The following GULP1 variants were observed in gnomAD, a reference collection of about 807,000 sequenced individuals.
GULP1 encodes the protein PTB domain-containing engulfment adapter protein 1.
GULP1 carries 19 observed loss-of-function variants against 40.9 expected under a neutral mutation model. The observed-to-expected ratio is 0.46, with a 90% CI of 0.32 to 0.68. The LOEUF (loss-of-function observed/expected upper bound fraction) is 0.68. Among genes scored for constraint, GULP1 ranks in the 30% least tolerant of loss-of-function variants. GULP1 has a pLI of 0.03. For missense variants in GULP1, 312 were observed against 362.2 expected (o/e 0.86, Z 1.12); for synonymous variants, 119 against 117.6 (o/e 1.01, Z -0.08).
intron 7 of GULP1, among the ~76,000 whole-genome samples, chr2:188,557,679 A>G (rs1412427432): frequency 1.3e-5 from 2 of 152,180 alleles, no homozygotes; most frequent in Non-Finnish European, 2.9e-5. Context: ...TGGGGTCTGG[A>G]AAATGGTGGC....
chr2:188,584,184 TA>T, intron 9 of GULP1, 80 bp from the exon 10 acceptor site: 4 of 921,366 alleles, frequency 4.3e-6, no homozygotes, highest in Non-Finnish European at 6.5e-6. Context: ...TGTTTACATA[TA>T]TTTTATATGC....
chr2:188,589,572 G>C (rs558782787), intron 11 of GULP1: 7 of 400,180 alleles, frequency 1.7e-5, no homozygotes, highest in South Asian at 2.0e-4. Flanking sequence ...GAGTTTTAAG[G>C]ATAAGCCTCT....
chr2:188,450,844 A>G (rs981096275), intron 2 of GULP1, among the ~76,000 whole-genome samples: 1 of 152,134 alleles, frequency 6.6e-6, no homozygotes, highest in African/African-American at 2.4e-5. Flanking sequence ...AGGAGCCTCA[A>G]CTTTACTATT....
At chr2:188,362,765 A>T (rs2046262633) in intron 1 of GULP1, among the ~76,000 whole-genome samples, 1 of 151,956 alleles carries the variant, frequency 6.6e-6, no homozygotes, top group South Asian at 2.1e-4. Context: ...TTTCACTTGT[A>T]ATCTGACTTA....
intron 2 of GULP1, among the ~76,000 whole-genome samples, chr2:188,403,762 T>C (rs1041481576): frequency 2.0e-5 from 3 of 152,166 alleles, no homozygotes; most frequent in Non-Finnish European, 4.4e-5. Flanking sequence ...TCCTGATTTT[T>C]GGAATAGCAG....
At chr2:188,352,645 C>CACACACACACACACACACACACA (rs2044654410) in intron 1 of GULP1, among the ~76,000 whole-genome samples, 1 of 151,440 alleles carries the variant, frequency 6.6e-6, no homozygotes, top group South Asian at 2.1e-4. Context: ...CACACACACA[C>CACACACACACACACACACACACA]ACACGGTTCT....
chr2:188,587,171 T>C (rs183827733), intron 10 of GULP1, among the ~76,000 whole-genome samples: 86 of 152,228 alleles, frequency 5.6e-4, no homozygotes, highest in African/African-American at 2.0e-3. Context: ...ATTTTAACTT[T>C]GATACTTCTT....
At chr2:188,458,524 ATTTTAT>A (rs1200514209) in intron 2 of GULP1, among the ~76,000 whole-genome samples, 1 of 151,968 alleles carries the variant, frequency 6.6e-6, no homozygotes, top group African/African-American at 2.4e-5. Context: ...CAGTCAGGCT[ATTTTAT>A]TTTTATTTTT....
At chr2:188,495,617 G>A (rs2062824344) in intron 4 of GULP1, among the ~76,000 whole-genome samples, 1 of 151,982 alleles carries the variant, frequency 6.6e-6, no homozygotes, top group Non-Finnish European at 1.5e-5. Flanking sequence ...TCATCGAAAT[G>A]AATTAAAAGT....
intron 7 of GULP1, 105 bp from the exon 8 acceptor site, chr2:188,569,134 C>T (rs960882229): frequency 3.2e-5 from 22 of 686,632 alleles, no homozygotes; most frequent in Admixed American, 1.1e-4. Context: ...TGAAGTACCT[C>T]TTGTGAATGT....
chr2:188,348,986 T>C (rs889055549), intron 1 of GULP1, among the ~76,000 whole-genome samples: 4 of 152,212 alleles, frequency 2.6e-5, no homozygotes, highest in Admixed American at 2.0e-4. Context: ...AAAAATTGAA[T>C]ATTAAAATCT....
At chr2:188,535,068 TTTAA>T (rs1340950482) in intron 6 of GULP1, among the ~76,000 whole-genome samples, 2 of 151,078 alleles carry the variant, frequency 1.3e-5, no homozygotes, top group Non-Finnish European at 3.0e-5. Context: ...ATTGGTAATA[TTTAA>T]TTATTTAATA....
chr2:188,577,394 C>T lies in GULP1; in HGVS notation c.610-6871C>T, dbSNP rs542468283. On this transcript the variant is annotated intron_variant, in intron 9 of 11. Coordinates refer to ENST00000409830, the MANE Select transcript of GULP1 (RefSeq NM_016315.4). ...CAGATTGTGAAAGGTCTTAATTACA[C>T]AACAAGCTGAATGTGAATCTTTAAA... 2.0e-5 allele frequency among the ~76,000 whole-genome samples: 3 copies of T among 152,126 alleles called. No homozygotes were observed. In the East Asian group the frequency reaches 5.8e-4, roughly 29 times the overall value.
At chr2:188,455,124 C>A (rs1243872632) in intron 2 of GULP1, among the ~76,000 whole-genome samples, 1 of 151,840 alleles carries the variant, frequency 6.6e-6, no homozygotes, top group Non-Finnish European at 1.5e-5. Flanking sequence ...AGAGTGAGAT[C>A]CTGTCTTCAA....
intron 2 of GULP1, among the ~76,000 whole-genome samples, chr2:188,398,466 A>C (rs1283579442): frequency 3.9e-5 from 6 of 152,240 alleles, no homozygotes; most frequent in Non-Finnish European, 8.8e-5. Flanking sequence ...ATTCAAATTA[A>C]TCTTCACCTA....
chr2:188,482,685 A>G (rs926722442), intron 3 of GULP1, among the ~76,000 whole-genome samples: 4 of 151,450 alleles, frequency 2.6e-5, no homozygotes, highest in Non-Finnish European at 5.9e-5. Context: ...AATTGAAAAT[A>G]TTAGTAATAC....
intron 5 of GULP1, among the ~76,000 whole-genome samples, chr2:188,524,652 A>G (rs1373414822): frequency 1.3e-5 from 2 of 150,816 alleles, no homozygotes; most frequent in Admixed American, 6.6e-5. Flanking sequence ...GCTACAATTC[A>G]AAGTATACTA....
At chr2:188,565,704 T>C (rs557622523) in intron 7 of GULP1, among the ~76,000 whole-genome samples, 1 of 152,174 alleles carries the variant, frequency 6.6e-6, no homozygotes, top group East Asian at 1.9e-4. Flanking sequence ...AGAAAACATA[T>C]GTCTACAAAA....
intron 9 of GULP1, among the ~76,000 whole-genome samples, chr2:188,582,031 T>C (rs1006169407): frequency 1.3e-5 from 2 of 152,138 alleles, no homozygotes; most frequent in Non-Finnish European, 2.9e-5. Flanking sequence ...CCAAAATAAA[T>C]CTTCAGGCTT....
Sources: allele counts gnomAD v4.1 joint callset (sites outside exome capture counted in the v4.1 genomes callset), GRCh38; gene constraint gnomAD v4.1.1; transcripts MANE v1.5; gene names NCBI Gene and HGNC (gene_info 2026-07-23, HGNC 2026-07-21).